CACNB2: variants seen among roughly 807,000 people sequenced by gnomAD.
CACNB2 encodes calcium voltage-gated channel auxiliary subunit beta 2.
A neutral mutation model predicts 73.3 loss-of-function variants in CACNB2; 42 were observed. That is an observed-to-expected ratio of 0.57 (90% CI 0.45 to 0.74). The LOEUF (loss-of-function observed/expected upper bound fraction) is 0.74. Among genes scored for constraint, CACNB2 ranks in the 30% least tolerant of loss-of-function variants. CACNB2 has a pLI of 0.00. For synonymous variants in CACNB2, 348 were observed against 310.3 expected, an observed-to-expected ratio of 1.12 and a Z score of -1.28; for missense variants, 940 against 853.0, an observed-to-expected ratio of 1.10 and a Z score of -1.27.
intron 2 of CACNB2, among the ~76,000 whole-genome samples, chr10:18,171,043 A>G (rs2033188428): frequency 6.6e-6 from 1 of 152,186 alleles, no homozygotes; most frequent in South Asian, 2.1e-4. Context: ...CATTAAACGC[A>G]CACTCTGCCT....
In CACNB2 at chr10:18,539,488, G is replaced by T; in HGVS notation, c.1747G>T (p.Ala583Ser). 3 of 1,613,946 alleles carry T rather than the reference G, an allele frequency of 1.9e-6. No homozygotes were observed. The highest frequency in any genetic ancestry group is 2.5e-6 in the Non-Finnish European group (3 of 1,179,984). The part of the protein sequence containing the change: ...DYSHDHVDHY[A>S]SHRDHNHRDE... ...TTCCCATGACCACGTGGACCACTAT[G>T]CCTCACACCGTGACCACAACCACAG... The change falls in exon 14 of 14, where the codon GCC becomes TCC. Residue 583 changes from alanine (A) to serine (S), a missense_variant. Transcript: ENST00000324631.
chr10:18,310,316 A>AT (rs1006726475), intron 2 of CACNB2, among the ~76,000 whole-genome samples: 5 of 152,196 alleles, frequency 3.3e-5, no homozygotes, highest in South Asian at 2.1e-4. Context: ...TAAAAAAGTG[A>AT]TTTTTTAGGC....
intron 2 of CACNB2, among the ~76,000 whole-genome samples, chr10:18,195,726 G>C (rs906454351): frequency 6.6e-6 from 1 of 152,146 alleles, no homozygotes; most frequent in Non-Finnish European, 1.5e-5. Context: ...TAAGTGGTGG[G>C]GCTCACCCCT....
At chr10:18,435,208 C>A (rs1343993320) in intron 3 of CACNB2, among the ~76,000 whole-genome samples, 1 of 152,164 alleles carries the variant, frequency 6.6e-6, no homozygotes, top group Non-Finnish European at 1.5e-5. Context: ...GGCAGAGAAT[C>A]TGAAAATATC....
In CACNB2 at chr10:18,230,751, C is replaced by T. The variant is rs371577436; in HGVS notation, c.213+79776C>T. ...CCTCACCTCTTACTAAATGGGGAGA[C>T]GTATTTTATTTCTTTAATGTAAATG... On this transcript the variant is annotated intron_variant, in intron 2 of 13. Coordinates refer to ENST00000324631, the MANE Select transcript of CACNB2 (RefSeq NM_201596.3). 2.4e-3 allele frequency among the ~76,000 whole-genome samples: 358 copies of T among 151,900 alleles called. 2 individuals are homozygous for T. Among genetic ancestry groups the T allele is most frequent in the African/African-American group, 8.4e-3 (349 of 41,402 alleles).
chr10:18,354,591 TTTG>T (rs948425836), intron 2 of CACNB2, among the ~76,000 whole-genome samples: 2 of 152,146 alleles, frequency 1.3e-5, no homozygotes, highest in South Asian at 2.1e-4. Context: ...TTGTGGTGTT[TTTG>T]TTGTTGTTGT....
At chr10:18,306,385 G>A (rs58065366) in intron 2 of CACNB2, among the ~76,000 whole-genome samples, 12,673 of 152,194 alleles carry the variant, frequency 0.083, 572 homozygotes, top group Non-Finnish European at 0.096. Context: ...TTAAGAATTA[G>A]AGGGTAGCGG....
intron 3 of CACNB2, among the ~76,000 whole-genome samples, chr10:18,484,079 G>C (rs1368355612): frequency 6.6e-6 from 1 of 152,106 alleles, no homozygotes; most frequent in African/African-American, 2.4e-5. Context: ...TTTTCATTTT[G>C]TTTTTGAAAT....
intron 2 of CACNB2, among the ~76,000 whole-genome samples, chr10:18,172,505 T>G (rs947820407): frequency 2.0e-5 from 3 of 152,222 alleles, no homozygotes; most frequent in Admixed American, 2.0e-4. Flanking sequence ...GTAATTTTTT[T>G]TCAAACTGTA....
rs982807499 is a variant in CACNB2, at chr10:18,393,522, A to G, written c.214-8402A>G. Among the ~76,000 whole-genome samples the G allele has an allele frequency of 4.6e-5, 7 of 152,344 alleles. No individual in the cohort carries two copies. The East Asian group carries it at 1.2e-3, about 25-fold the overall frequency. On this transcript the variant is annotated intron_variant, in intron 2 of 13. Transcript: ENST00000324631. Reference sequence around the variant, plus strand: ...GATATGTTCGTTTTTTAAAAAAATGAAAGTCACATGTCTGAACTTCTTGCC... The same window carrying G: ...GATATGTTCGTTTTTTAAAAAAATGGAAGTCACATGTCTGAACTTCTTGCC...
chr10:18,379,300 C>T (rs1322988713), intron 2 of CACNB2, among the ~76,000 whole-genome samples: 1 of 152,146 alleles, frequency 6.6e-6, no homozygotes, highest in East Asian at 1.9e-4. Context: ...GCAACCTCTG[C>T]CTCCCAGGTT....
At chr10:18,443,395 G>C (rs947483763) in intron 3 of CACNB2, among the ~76,000 whole-genome samples, 2 of 152,006 alleles carry the variant, frequency 1.3e-5, no homozygotes. Flanking sequence ...ACAAGCAGGG[G>C]ACTTGGGTGC....
At chr10:18,152,226 G>A (rs1462739168) in intron 2 of CACNB2, among the ~76,000 whole-genome samples, 7 of 152,062 alleles carry the variant, frequency 4.6e-5, no homozygotes, top group African/African-American at 2.4e-5. Flanking sequence ...ATCAGTCCCC[G>A]CTTGCAACAT....
At chr10:18,166,203 A>G (rs1415145486) in intron 2 of CACNB2, among the ~76,000 whole-genome samples, 2 of 152,214 alleles carry the variant, frequency 1.3e-5, no homozygotes, top group African/African-American at 4.8e-5. Flanking sequence ...CTTAAAAATT[A>G]AGACACTTCA....
chr10:18,195,419 G>A (rs1322749892), intron 2 of CACNB2, among the ~76,000 whole-genome samples: 5 of 152,146 alleles, frequency 3.3e-5, no homozygotes, highest in African/African-American at 1.2e-4. Flanking sequence ...GATCTCTCAG[G>A]GGGTATCAAG....
Position 18,278,647 on chromosome 10 carries a change from C to T in CACNB2, c.214-123277C>T, listed in dbSNP as rs145493138. On this transcript the variant is annotated intron_variant, in intron 2 of 13. Coordinates refer to ENST00000324631, the MANE Select transcript of CACNB2 (RefSeq NM_201596.3). Reference sequence around the variant, plus strand: ...CGATAAGGGAAATGGAGATAGAAAACGGCTAAGTCAGAAAAAGATAGTCAT... The same window carrying T: ...CGATAAGGGAAATGGAGATAGAAAATGGCTAAGTCAGAAAAAGATAGTCAT... Among the ~76,000 whole-genome samples the T allele has an allele frequency of 4.4e-3, 676 of 152,064 alleles. 13 individuals are homozygous for T. Among genetic ancestry groups the T allele is most frequent in the African/African-American group, 0.015 (639 of 41,476 alleles).
intron 12 of CACNB2, among the ~76,000 whole-genome samples, chr10:18,537,717 C>T (rs1201930483): frequency 1.4e-5 from 2 of 138,058 alleles, no homozygotes; most frequent in African/African-American, 5.0e-5. Flanking sequence ...GCCAAGGTTG[C>T]ACTGAACCAA....
intron 2 of CACNB2, among the ~76,000 whole-genome samples, chr10:18,234,599 G>C (rs913168394): frequency 2.0e-5 from 3 of 152,194 alleles, no homozygotes; most frequent in Non-Finnish European, 4.4e-5. Flanking sequence ...TATGTGAAGT[G>C]AAACAAGCCA....
chr10:18,471,290 G>T (rs2048175137), intron 3 of CACNB2, among the ~76,000 whole-genome samples: 1 of 152,114 alleles, frequency 6.6e-6, no homozygotes, highest in African/African-American at 2.4e-5. Flanking sequence ...TGGGCAACAA[G>T]AGTGAAACTC....
Sources: gnomAD v4.1 joint callset for allele counts (sites outside exome capture counted in the v4.1 genomes callset) on GRCh38, gnomAD v4.1.1 for gene constraint, MANE v1.5 for transcripts, NCBI Gene and HGNC (gene_info 2026-07-23, HGNC 2026-07-21) for gene names.